HGD: variants seen among roughly 807,000 people sequenced by gnomAD.
HGD encodes the protein homogentisate 1,2-dioxygenase, also known as homogentisate oxidase.
Under a neutral mutation model 60.8 loss-of-function variants are expected in HGD, and 61 were observed. That is an observed-to-expected ratio of 1.00 (90% CI 0.82 to 1.24). The LOEUF (loss-of-function observed/expected upper bound fraction) is 1.24, where lower values mean the gene tolerates loss of function less well. Ranked by LOEUF, HGD falls within the 50% of genes most tolerant of loss-of-function variation. The pLI, the probability that HGD is intolerant of heterozygous loss-of-function variation, is 0.00. For missense variants in HGD, 542 were observed against 547.1 expected (o/e 0.99, Z 0.09); for synonymous variants, 212 against 187.7 (o/e 1.13, Z -1.06).
At chr3:120,680,826 C>T (rs1393879587) in intron 1 of HGD, among the ~76,000 whole-genome samples, 2 of 152,218 alleles carry the variant, frequency 1.3e-5, no homozygotes, top group Non-Finnish European at 2.9e-5. Context: ...TGCACTCACT[C>T]TTCCCTCCAG....
intron 4 of HGD, among the ~76,000 whole-genome samples, chr3:120,660,263 G>A (rs934172347): frequency 1.3e-5 from 2 of 152,176 alleles, no homozygotes; most frequent in African/African-American, 4.8e-5. Context: ...TGCAAGAATG[G>A]ACTAATACAA....
At chr3:120,648,069 A>G (rs1172633988) in intron 6 of HGD, among the ~76,000 whole-genome samples, 158 bp from the exon 7 acceptor site, 1 of 152,218 alleles carries the variant, frequency 6.6e-6, no homozygotes, top group Non-Finnish European at 1.5e-5. Context: ...TGTGGAACTT[A>G]GAGTCTAGTG....
At chr3:120,631,231 A>T (rs1348732902) in intron 13 of HGD, among the ~76,000 whole-genome samples, 7 of 152,272 alleles carry the variant, frequency 4.6e-5, no homozygotes, top group African/African-American at 1.7e-4. Flanking sequence ...ACCTCAAATA[A>T]AAGTTAAAAA....
intron 6 of HGD, 99 bp downstream of exon 6, chr3:120,650,675 G>T: frequency 1.2e-6 from 1 of 829,190 alleles, no homozygotes; most frequent in Non-Finnish European, 2.1e-6. Context: ...AACTATGTAT[G>T]TGCATATGTG....
chr3:120,654,348 C>G (rs1398852126), intron 4 of HGD, among the ~76,000 whole-genome samples: 4 of 152,150 alleles, frequency 2.6e-5, no homozygotes, highest in Non-Finnish European at 5.9e-5. Context: ...GAGACCAAGA[C>G]CAAATTAAAT....
chr3:120,676,710 G>T (rs1708137927), intron 1 of HGD, among the ~76,000 whole-genome samples: 1 of 152,158 alleles, frequency 6.6e-6, no homozygotes, highest in Non-Finnish European at 1.5e-5. Flanking sequence ...AACCCTTTTT[G>T]CTCTAACTTA....
chr3:120,635,926 C>A (rs937938213), intron 12 of HGD, among the ~76,000 whole-genome samples: 1 of 152,044 alleles, frequency 6.6e-6, no homozygotes, highest in Non-Finnish European at 1.5e-5. Flanking sequence ...TATTTCTCAA[C>A]AAGCAGTCTG....
chr3:120,644,366 A>T lies in HGD; in HGVS notation c.727T>A (p.Tyr243Asn). Residue 243 changes from tyrosine (Y) to asparagine (N), a missense_variant, in exon 10 of 14, where the codon TAC becomes AAC. Coordinates refer to ENST00000283871, the MANE Select transcript of HGD (RefSeq NM_000187.4). Reference protein sequence around the residue: ...WYEDRQVPGGYTVINKYQGKL... With the variant: ...WYEDRQVPGGNTVINKYQGKL... ...CCCTGGTATTTATTAATGACCGTGT[A>T]ACCACCTGGTACTTGGCGATCCTCA... is the stretch of plus-strand genomic sequence containing the variant. The T allele has an allele frequency of 6.2e-7, 1 of 1,614,136 alleles. No individual in the cohort carries two copies. The highest frequency in any genetic ancestry group is 1.1e-5 in the South Asian group (1 of 91,076).
chr3:120,638,563 C>T lies in HGD; in HGVS notation c.898G>A (p.Val300Ile). Reference sequence around the variant, plus strand: ...GGGCGGACAGACTTAGCAGTCAATACTGTGAAAATGGATGGGTCCTGTGAA... The same window carrying T: ...GGGCGGACAGACTTAGCAGTCAATATTGTGAAAATGGATGGGTCCTGTGAA... ...FDHADPSIFT[V>I]LTAKSVRPGV... Residue 300 changes from valine (V) to isoleucine (I), a missense_variant, in exon 12 of 14, where the codon GTA (valine) becomes ATA (isoleucine). Val to Ile is a conservative substitution (Grantham distance 29). This residue lies in a region of HGD where 537 missense variants were observed against 529.1 expected (regional missense o/e 1.01). Transcript: ENST00000283871. 6.2e-7 allele frequency: 1 copy of T among 1,613,956 alleles called. No individual in the cohort carries two copies. Among genetic ancestry groups the T allele is most frequent in the South Asian group, 1.1e-5 (1 of 91,072 alleles).
chr3:120,652,335 TTAAG>T (rs201557666), intron 5 of HGD, among the ~76,000 whole-genome samples: 12,428 of 152,184 alleles, frequency 0.082, 703 homozygotes, highest in Middle Eastern at 0.16. Flanking sequence ...AGAAAGGAAC[TTAAG>T]TAAGAAAATG....
chr3:120,662,261 G>A (rs1049077796), intron 4 of HGD, among the ~76,000 whole-genome samples: 2 of 152,132 alleles, frequency 1.3e-5, no homozygotes, highest in East Asian at 1.9e-4. Context: ...AATTTAGCAC[G>A]CTGATTCTGG....
At position 120,641,572 on chromosome 3, in the gene HGD, A is replaced by G; in HGVS notation, c.879+17T>C. The G allele has an allele frequency of 6.4e-7, 1 of 1,556,296 alleles. No individual in the cohort carries two copies. The highest frequency in any genetic ancestry group is 1.1e-5 in the South Asian group (1 of 89,866). Reference sequence around the variant, plus strand: ...AGCGTTGCCTCATCCCAAGGCCCCTACAGGGTTCAGACTTACTGCATGGTC... The same window carrying G: ...AGCGTTGCCTCATCCCAAGGCCCCTGCAGGGTTCAGACTTACTGCATGGTC... On this transcript the variant is annotated intron_variant, in intron 11 of 13. Transcript: ENST00000283871.
At chr3:120,644,625 CA>C in intron 9 of HGD, 182 bp from the exon 10 acceptor site, 1 of 1,529,030 alleles carries the variant, frequency 6.5e-7, no homozygotes, top group East Asian at 2.5e-5. Context: ...GGAATCTGGT[CA>C]GAAAAAAATT....
At position 120,650,448 on chromosome 3, in the gene HGD, C is replaced by G. The variant is rs535700161; in HGVS notation, c.434+326G>C. Reference sequence around the variant, plus strand: ...AAATCCTTGAAATATCAAACAACAACAAAAGCATATTTGGACTCAGACTTA... The same window carrying G: ...AAATCCTTGAAATATCAAACAACAAGAAAAGCATATTTGGACTCAGACTTA... On this transcript the variant is annotated intron_variant, in intron 6 of 13. Coordinates refer to ENST00000283871, the MANE Select transcript of HGD (RefSeq NM_000187.4). 5.3e-5 allele frequency among the ~76,000 whole-genome samples: 8 copies of G among 152,334 alleles called. No individual in the cohort carries two copies. In the East Asian group the frequency reaches 1.5e-3, roughly 29 times the overall value.
At chr3:120,632,921 C>A (rs564812810) in intron 13 of HGD, among the ~76,000 whole-genome samples, 1 of 152,256 alleles carries the variant, frequency 6.6e-6, no homozygotes, top group Non-Finnish European at 1.5e-5. Context: ...AAACTCAGAA[C>A]CCAGGTCTGA....
At chr3:120,660,039 G>C (rs2107532319) in intron 4 of HGD, among the ~76,000 whole-genome samples, 1 of 152,106 alleles carries the variant, frequency 6.6e-6, no homozygotes, top group African/African-American at 2.4e-5. Context: ...CATGAGATCT[G>C]GTCTTTAAAA....
chr3:120,650,202 C>T (rs1941296683), intron 6 of HGD, among the ~76,000 whole-genome samples: 1 of 152,168 alleles, frequency 6.6e-6, no homozygotes, highest in East Asian at 1.9e-4. Flanking sequence ...TTCTCTATTT[C>T]TCTGTTTTCT....
chr3:120,633,557 CGAGTTCCACTCTCT>C, intron 12 of HGD: 3 of 1,463,778 alleles, frequency 2.0e-6, no homozygotes, highest in Non-Finnish European at 2.7e-6. Context: ...TCAGAGGTCT[CGAGTTCCACTCTCT>C]GACAGGAATC....
intron 4 of HGD, among the ~76,000 whole-genome samples, chr3:120,665,093 C>G (rs570469068): frequency 6.6e-6 from 1 of 152,230 alleles, no homozygotes; most frequent in Non-Finnish European, 1.5e-5. Flanking sequence ...CAGGAAAATC[C>G]AAGACATTTG....
Sources: allele counts gnomAD v4.1 joint callset (sites outside exome capture counted in the v4.1 genomes callset), GRCh38; gene constraint gnomAD v4.1.1; regional missense constraint gnomAD v4.1.1; transcripts MANE v1.5; gene names NCBI Gene and HGNC (gene_info 2026-07-23, HGNC 2026-07-21).